Variants in MMP26 observed in about 807,000 individuals in gnomAD.
MMP26 encodes matrix metallopeptidase 26, also known as matrix metalloproteinase-26.
In MMP26, 33 loss-of-function variants were observed where a neutral mutation model predicts 31.0. The ratio of observed to expected loss-of-function variants is 1.06; its 90% CI spans 0.81 to 1.42. MMP26 has a LOEUF of 1.42. MMP26 is among the 40% of genes most tolerant of loss of function. MMP26 has a pLI of 0.00. For synonymous variants in MMP26, 122 were observed against 114.9 expected (o/e 1.06, Z -0.40); for missense variants, 347 against 316.1 (o/e 1.10, Z -0.74).
chr11:4,872,568 G>A lies in MMP26; in HGVS notation c.-145+105227G>A, dbSNP rs959028770. Among the ~76,000 whole-genome samples, 3 of 151,674 alleles carry A rather than the reference G, an allele frequency of 2.0e-5. No homozygotes were observed. The East Asian group carries it at 5.9e-4, about 30-fold the overall frequency. On this transcript the variant is annotated intron_variant, in intron 2 of 7. Coordinates refer to ENST00000380390, the MANE Select transcript of MMP26 (RefSeq NM_021801.5). ...CAATAGCAGATAGTTTCTTATCCTAGTGAGACTAGTCTGTGGATCCCACAA... is the reference window on the plus strand; with the variant it reads ...CAATAGCAGATAGTTTCTTATCCTAATGAGACTAGTCTGTGGATCCCACAA...
chr11:4,866,933 T>C (rs1850243400), intron 2 of MMP26, among the ~76,000 whole-genome samples: 1 of 151,930 alleles, frequency 6.6e-6, no homozygotes, highest in Non-Finnish European at 1.5e-5. Flanking sequence ...AAAAATCAAC[T>C]CAAGATGGAC....
intron 2 of MMP26, among the ~76,000 whole-genome samples, chr11:4,809,850 C>T (rs1051259580): frequency 1.3e-5 from 2 of 152,146 alleles, no homozygotes; most frequent in Admixed American, 6.6e-5. Flanking sequence ...TCTATGACTC[C>T]TAATGCTTTC....
intron 2 of MMP26, among the ~76,000 whole-genome samples, chr11:4,917,128 A>G (rs548512049): frequency 1.4e-4 from 20 of 147,514 alleles, no homozygotes; most frequent in African/African-American, 4.5e-4. Flanking sequence ...AACATGCCCC[A>G]GTACGCAGCA....
chr11:4,710,897 G>C (rs1847854573), intron 1 of MMP26: 1 of 156,028 alleles, frequency 6.4e-6, no homozygotes, highest in Admixed American at 6.2e-5. Flanking sequence ...AATTCTTACA[G>C]TTTATTTGTG....
At chr11:4,991,107 A>G (rs1184981516) in intron 5 of MMP26, among the ~76,000 whole-genome samples, 1 of 152,126 alleles carries the variant, frequency 6.6e-6, no homozygotes, top group African/African-American at 2.4e-5. Context: ...TTTTGAAAAG[A>G]GGTTATCATT....
rs140286397 is a variant in MMP26, at chr11:4,804,840, C to G, written c.-145+37499C>G. 8.4e-3 allele frequency among the ~76,000 whole-genome samples: 1,275 copies of G among 151,024 alleles called. 18 individuals carry two copies. The highest frequency in any genetic ancestry group is 0.028 in the African/African-American group (1,140 of 40,992). ...ACCCCATTAGCCAGGCATGGTAGAG[C>G]ACGCCTATAGTCCCAGCTACTCAGG... On this transcript the variant is annotated intron_variant, in intron 2 of 7. Coordinates refer to ENST00000380390, the MANE Select transcript of MMP26 (RefSeq NM_021801.5).
intron 1 of MMP26, among the ~76,000 whole-genome samples, chr11:4,741,614 CAG>C (rs1175542696): frequency 8.5e-6 from 1 of 118,328 alleles, no homozygotes; most frequent in Non-Finnish European, 1.6e-5. Flanking sequence ...CACATGGACA[CAG>C]GGAGGGGAAC....
At chr11:4,780,777 AG>A (rs1247849689) in intron 2 of MMP26, among the ~76,000 whole-genome samples, 12 of 152,106 alleles carry the variant, frequency 7.9e-5, no homozygotes, top group African/African-American at 2.4e-4. Context: ...TCTCCATAGT[AG>A]TATAAAACTA....
At chr11:4,808,409 C>T (rs1449504192) in intron 2 of MMP26, among the ~76,000 whole-genome samples, 1 of 152,044 alleles carries the variant, frequency 6.6e-6, no homozygotes, top group Non-Finnish European at 1.5e-5. Context: ...CCCAGGATCC[C>T]TGCTACTTCA....
chr11:4,745,227 C>G (rs1412203317), intron 1 of MMP26, among the ~76,000 whole-genome samples: 1 of 152,072 alleles, frequency 6.6e-6, no homozygotes, highest in Non-Finnish European at 1.5e-5. Context: ...ATTTTTCTTC[C>G]CCACAGACAA....
At chr11:4,926,444 A>T (rs980709633) in intron 2 of MMP26, among the ~76,000 whole-genome samples, 3 of 152,186 alleles carry the variant, frequency 2.0e-5, no homozygotes, top group African/African-American at 7.2e-5. Context: ...AATAGCAATA[A>T]AGAAGAGAAA....
intron 2 of MMP26, among the ~76,000 whole-genome samples, chr11:4,868,992 A>T (rs1342002342): frequency 1.1e-4 from 17 of 152,242 alleles, no homozygotes; most frequent in East Asian, 7.7e-4. Flanking sequence ...TAATAAATGG[A>T]GCTGGGAAAA....
At chr11:4,910,365 A>G (rs1281107914) in intron 2 of MMP26, among the ~76,000 whole-genome samples, 2 of 152,056 alleles carry the variant, frequency 1.3e-5, no homozygotes, top group Non-Finnish European at 2.9e-5. Flanking sequence ...TGCCTATGTT[A>G]AGGTTTTGAA....
At chr11:4,912,977 A>C (rs1851014831) in intron 2 of MMP26, 1 of 152,204 alleles carries the variant, frequency 6.6e-6, no homozygotes, top group South Asian at 2.1e-4. Flanking sequence ...TAACTATTCA[A>C]ATTACTATAA....
intron 2 of MMP26, chr11:4,938,025 A>T (rs1846153721): frequency 6.6e-6 from 1 of 152,212 alleles, no homozygotes; most frequent in African/African-American, 2.4e-5. Flanking sequence ...TTTCATGGAC[A>T]TCAAATAGGA....
intron 2 of MMP26, among the ~76,000 whole-genome samples, chr11:4,935,726 C>A (rs1215146209): frequency 4.7e-5 from 7 of 149,976 alleles, no homozygotes; most frequent in African/African-American, 1.5e-4. Context: ...TCATAGATAG[C>A]TCTTATCATT....
chr11:4,718,429 TG>T (rs1324001387), intron 1 of MMP26, among the ~76,000 whole-genome samples: 1 of 152,238 alleles, frequency 6.6e-6, no homozygotes. Context: ...TCTGCTCCTT[TG>T]TTTGATGTGG....
intron 2 of MMP26, among the ~76,000 whole-genome samples, chr11:4,785,257 G>T (rs1848924217): frequency 6.6e-6 from 1 of 152,078 alleles, no homozygotes; most frequent in East Asian, 1.9e-4. Context: ...AATTTGCATT[G>T]TTAACAAATT....
intron 2 of MMP26, among the ~76,000 whole-genome samples, chr11:4,894,028 C>T (rs1850666907): frequency 6.6e-6 from 1 of 151,756 alleles, no homozygotes; most frequent in South Asian, 2.1e-4. Flanking sequence ...AAAATATAAA[C>T]ATACAATTAT....
Sources: allele counts gnomAD v4.1 joint callset (sites outside exome capture counted in the v4.1 genomes callset), GRCh38; gene constraint gnomAD v4.1.1; transcripts MANE v1.5; gene names NCBI Gene and HGNC (gene_info 2026-07-23, HGNC 2026-07-21).